ANHX: variants seen among roughly 807,000 people sequenced by gnomAD.
The protein encoded by ANHX is anomalous homeobox protein.
A neutral mutation model predicts 38.9 loss-of-function variants in ANHX; 20 were observed. That is an observed-to-expected ratio of 0.51 (90% CI 0.36 to 0.75). The LOEUF (loss-of-function observed/expected upper bound fraction) is 0.75, where lower values mean the gene tolerates loss of function less well. ANHX is among the 30% of genes least tolerant of loss of function. The pLI, the probability that ANHX is intolerant of heterozygous loss-of-function variation, is 0.00. For missense variants in ANHX, 475 were observed against 493.1 expected (o/e 0.96, Z 0.35); for synonymous variants, 185 against 203.1 (o/e 0.91, Z 0.76).
In ANHX at chr12:133,221,445, G is replaced by T; in HGVS notation, c.1133-93C>A. On this transcript the variant is annotated intron_variant, in intron 7 of 9. Coordinates refer to ENST00000545940, the MANE Select transcript of ANHX (RefSeq NM_001372060.1). This position sits in a 1 kb window ranked among gnomAD's most constrained non-coding sequence, Gnocchi z 4.1. ...AAGACCTCAAAGCACGGAGGCGGAT[G>T]CAGCCTCCGGCCCAGCCAGCCCGCG... The T allele has an allele frequency of 7.2e-7, 1 of 1,380,028 alleles. No individual in the cohort carries two copies. Among genetic ancestry groups the T allele is most frequent in the African/African-American group, 1.4e-5 (1 of 69,098 alleles). 85.5% of individuals were successfully genotyped at this position (1,380,028 alleles called of 1,614,324 possible).
At chr12:133,224,895 A>C (rs1339509803) in intron 7 of ANHX, among the ~76,000 whole-genome samples, 3 of 146,036 alleles carry the variant, frequency 2.1e-5, no homozygotes, top group African/African-American at 7.7e-5. Flanking sequence ...TGAACCTGGG[A>C]GGAGGAGGTT....
At chr12:133,231,679 G>T in intron 2 of ANHX, 35 bp from the exon 3 acceptor site, 1 of 1,535,068 alleles carries the variant, frequency 6.5e-7, no homozygotes, top group Non-Finnish European at 8.7e-7. Flanking sequence ...CTGGCCACCT[G>T]CCCACCCTGG....
rs574838940 is a variant in ANHX, at chr12:133,226,413, T to C, written c.744A>G (p.Pro248=). The C allele has an allele frequency of 2.0e-6, 3 of 1,535,546 alleles. No homozygotes were observed. Among genetic ancestry groups the C allele is most frequent in the East Asian group, 2.4e-5 (1 of 40,894 alleles). Residue 248 remains proline, a synonymous_variant, in exon 6 of 10, where the codon CCA becomes CCG. Transcript: ENST00000545940. ...WSEEREEKGP[P]QSPQTTQGPW... is the part of the protein sequence containing the mutation. ...GTCCTTGGGTGGTCTGTGGGGACTGTGGAGGCCCCTTTTCCTCACGTTCCT... is the reference window on the plus strand; with the variant it reads ...GTCCTTGGGTGGTCTGTGGGGACTGCGGAGGCCCCTTTTCCTCACGTTCCT...
At chr12:133,231,729 C>T in intron 2 of ANHX, 85 bp from the exon 3 acceptor site, 1 of 1,488,480 alleles carries the variant, frequency 6.7e-7, no homozygotes, top group Non-Finnish European at 9.0e-7. Flanking sequence ...CAAACCGACT[C>T]AGCCTTGGGG....
intron 4 of ANHX, 94 bp from the exon 5 acceptor site, chr12:133,227,246 A>T (rs762425561): frequency 2.0e-4 from 274 of 1,345,556 alleles, no homozygotes; most frequent in Non-Finnish European, 2.6e-4. Flanking sequence ...TACACCAAGA[A>T]AGGGGGTGAC....
chr12:133,223,815 C>A (rs996290087), intron 7 of ANHX, among the ~76,000 whole-genome samples: 1 of 151,694 alleles, frequency 6.6e-6, no homozygotes, highest in Non-Finnish European at 1.5e-5. Flanking sequence ...AACCTCGGAC[C>A]CTCAGCGTGA....
Position 133,234,225 on chromosome 12 carries a change from T to G in ANHX, c.132A>C (p.Thr44=). 2 of 1,536,188 alleles carry G rather than the reference T, an allele frequency of 1.3e-6. No individual in the cohort carries two copies. The highest frequency in any genetic ancestry group is 1.7e-6 in the Non-Finnish European group (2 of 1,146,916). ...GGCGGAGCTGGCTGTCCAGAATGGC[T>G]GTGACCAAAGGCTGCAGTTGGGCAA... ...DDLAQLQPLV[T]AILDSQLRLH... is the part of the protein sequence containing the mutation. The change falls in exon 2 of 10, where the codon ACA becomes ACC. Residue 44 remains threonine, a synonymous_variant. Coordinates refer to ENST00000545940, the MANE Select transcript of ANHX (RefSeq NM_001372060.1).
In ANHX at chr12:133,218,332, T is replaced by C. The variant is rs1399298411; in HGVS notation, c.*553A>G. ...AAGGGGGGAGTTCAAAACATTAAACTTTAATTGACTACAACATTTGTGTCA... is the reference window on the plus strand; with the variant it reads ...AAGGGGGGAGTTCAAAACATTAAACCTTAATTGACTACAACATTTGTGTCA... On this transcript the variant is annotated 3_prime_UTR_variant, in exon 10 of 10. Transcript: ENST00000545940. 1 of 152,250 alleles carries C rather than the reference T, an allele frequency of 6.6e-6. No homozygotes were observed. Among genetic ancestry groups the C allele is most frequent in the Non-Finnish European group, 1.5e-5 (1 of 68,096 alleles). The allele number at this position is 152,250 out of a possible 1,614,324, so 9.4% of individuals were successfully genotyped here.
chr12:133,232,983 T>C lies in ANHX; in HGVS notation c.249+1125A>G, dbSNP rs188605571. Reference sequence around the variant, plus strand: ...AAAAGGGGTAACGGGGGGGCAATACTGGAGAGTGAAGGAGGCACCACCTCC... The same window carrying C: ...AAAAGGGGTAACGGGGGGGCAATACCGGAGAGTGAAGGAGGCACCACCTCC... On this transcript the variant is annotated intron_variant, in intron 2 of 9. Transcript: ENST00000545940. Among the ~76,000 whole-genome samples, 20 of 152,166 alleles carry C rather than the reference T, an allele frequency of 1.3e-4. No individual in the cohort carries two copies. In the East Asian group the frequency reaches 3.9e-3, roughly 29 times the overall value.
intron 2 of ANHX, among the ~76,000 whole-genome samples, chr12:133,233,176 G>A (rs1957309711): frequency 6.6e-6 from 1 of 152,192 alleles, no homozygotes; most frequent in Non-Finnish European, 1.5e-5. Flanking sequence ...TGCAGAGGAG[G>A]CTGGGAGGAG....
Position 133,225,205 on chromosome 12 carries a change from C to T in ANHX, c.1132+331G>A, listed in dbSNP as rs576933960. 3.9e-5 allele frequency among the ~76,000 whole-genome samples: 6 copies of T among 152,126 alleles called. No individual in the cohort carries two copies. In the South Asian group the frequency reaches 1.2e-3, roughly 32 times the overall value. On this transcript the variant is annotated intron_variant, in intron 7 of 9. Transcript: ENST00000545940. ...CAAGCGGGGAGTCTAAGGAGCTCAGCCTTCTCTGCTGCACCCGGTGTTAAT... is the reference window on the plus strand; with the variant it reads ...CAAGCGGGGAGTCTAAGGAGCTCAGTCTTCTCTGCTGCACCCGGTGTTAAT...
At chr12:133,219,080 G>C in intron 9 of ANHX, 109 bp from the exon 10 acceptor site, 1 of 1,100,182 alleles carries the variant, frequency 9.1e-7, no homozygotes, top group South Asian at 1.5e-5. Flanking sequence ...AACCAGTCTG[G>C]ACTCAGGAGG....
intron 7 of ANHX, among the ~76,000 whole-genome samples, chr12:133,223,410 G>GA (rs1367154901): frequency 3.2e-4 from 48 of 148,420 alleles, no homozygotes; most frequent in African/African-American, 9.6e-4. Flanking sequence ...AAGGATATTA[G>GA]AAAAAAATGC....
intron 2 of ANHX, among the ~76,000 whole-genome samples, chr12:133,232,618 T>G (rs1566411468): frequency 6.6e-6 from 1 of 152,184 alleles, no homozygotes; most frequent in Non-Finnish European, 1.5e-5. Flanking sequence ...GGTCCCTTCA[T>G]GCCTCCCAGG....
rs1957275201 is a variant in ANHX, at chr12:133,231,522, C to A, written c.372G>T (p.Arg124Ser). 6.5e-7 allele frequency: 1 copy of A among 1,536,160 alleles called. No individual in the cohort carries two copies. The highest frequency in any genetic ancestry group is 1.4e-5 in the African/African-American group (1 of 73,188). The change falls in exon 3 of 10, where the codon AGG becomes AGT. Residue 124 changes from arginine (R) to serine (S), a missense_variant. Transcript: ENST00000545940. Reference protein sequence around the residue: ...ALTPVQKFRCRKRNPPPPSLC... With the variant: ...ALTPVQKFRCSKRNPPPPSLC... Reference sequence around the variant, plus strand: ...AGTAAATGCTTGTAGGTTACCTCTTCCTGCAGCGGAACTTCTGCACCGGGG... The same window carrying A: ...AGTAAATGCTTGTAGGTTACCTCTTACTGCAGCGGAACTTCTGCACCGGGG...
intron 2 of ANHX, 113 bp from the exon 3 acceptor site, chr12:133,231,757 A>G: frequency 7.5e-7 from 1 of 1,338,088 alleles, no homozygotes; most frequent in Non-Finnish European, 1.0e-6. Context: ...TGATGGGAAG[A>G]GCAGGGTTCT....
Position 133,218,780 on chromosome 12 carries a change from A to C in ANHX, c.*105T>G. On this transcript the variant is annotated 3_prime_UTR_variant, in exon 10 of 10. Transcript: ENST00000545940. ...CAGAGCCCCCAGGGGAACTCTGGGG[A>C]CCTTCATTTTGTATTCAGGATAAAG... 1 of 777,842 alleles carries C rather than the reference A, an allele frequency of 1.3e-6. No homozygotes were observed. The highest frequency in any genetic ancestry group is 1.8e-6 in the Non-Finnish European group (1 of 542,870). 48.2% of individuals were successfully genotyped at this position (777,842 alleles called of 1,614,324 possible).
intron 3 of ANHX, 101 bp from the exon 4 acceptor site, chr12:133,228,048 G>A (rs769373470): frequency 1.4e-6 from 2 of 1,385,364 alleles, no homozygotes; most frequent in African/African-American, 2.9e-5. Context: ...TTCCTTCCCT[G>A]TGCCTCCTCC....
intron 7 of ANHX, among the ~76,000 whole-genome samples, chr12:133,225,314 T>TACACACAC (rs36198127): frequency 6.3e-4 from 89 of 141,580 alleles, no homozygotes; most frequent in African/African-American, 2.1e-3. Flanking sequence ...TATGCATACA[T>TACACACAC]ACACACACAC....
Sources: gnomAD v4.1 joint callset for allele counts (sites outside exome capture counted in the v4.1 genomes callset) on GRCh38, gnomAD v4.1.1 for gene constraint, Gnocchi (gnomAD v3.1) non-coding constraint, MANE v1.5 for transcripts, NCBI Gene and HGNC (gene_info 2026-07-23, HGNC 2026-07-21) for gene names.